The following RBPJ variants were observed in gnomAD, a reference collection of about 807,000 sequenced individuals.
RBPJ encodes recombining binding protein suppressor of hairless.
In RBPJ, 9 loss-of-function variants were observed where a neutral mutation model predicts 67.8. That is an observed-to-expected ratio of 0.13 (90% CI 0.08 to 0.23). RBPJ has a LOEUF of 0.23. Among genes scored for constraint, RBPJ ranks in the 10% least tolerant of loss-of-function variants. The probability of loss-of-function intolerance (pLI) is 1.00; values close to 1 mark genes in which losing one functional copy is unlikely to be tolerated. For synonymous variants in RBPJ, 198 were observed against 203.3 expected, an observed-to-expected ratio of 0.97 and a Z score of 0.22; for missense variants, 305 against 595.6, an observed-to-expected ratio of 0.51 and a Z score of 5.08.
At chr4:26,259,089 A>G (rs1720445289) in intron 1 of RBPJ, among the ~76,000 whole-genome samples, 1 of 152,132 alleles carries the variant, frequency 6.6e-6, no homozygotes. Flanking sequence ...GGCGTGAGCC[A>G]CCATGCCCGG....
intron 1 of RBPJ, chr4:26,362,766 G>T (rs1728211059): frequency 1.0e-5 from 7 of 696,036 alleles, no homozygotes; most frequent in Non-Finnish European, 1.6e-5. Context: ...TTTGATTATA[G>T]ATGTGGTTAT....
the RBPJ span, among the ~76,000 whole-genome samples, chr4:26,105,931 T>C: frequency 6.6e-6 from 1 of 152,172 alleles, no homozygotes; most frequent in African/African-American, 2.4e-5. Context: ...AATGGTCCAG[T>C]GTCATGGAGT....
intron 3 of RBPJ, chr4:26,410,412 A>G (rs1401922513): frequency 6.5e-6 from 1 of 152,704 alleles, no homozygotes; most frequent in Non-Finnish European, 1.5e-5. Context: ...CTAGTACCCC[A>G]TTTATATTAG....
chr4:26,250,961 T>C (rs1030177253), intron 1 of RBPJ, among the ~76,000 whole-genome samples: 1 of 152,254 alleles, frequency 6.6e-6, no homozygotes, highest in African/African-American at 2.4e-5. Flanking sequence ...GACTATATGA[T>C]GTAAACGCAT....
Position 26,374,072 on chromosome 4 carries a change from C to G in RBPJ, c.21-12281C>G, listed in dbSNP as rs1272540185. 2.6e-5 allele frequency among the ~76,000 whole-genome samples: 4 copies of G among 151,994 alleles called. No homozygotes were observed. In the East Asian group the frequency reaches 7.7e-4, roughly 29 times the overall value. On this transcript the variant is annotated intron_variant, in intron 1 of 10. Transcript: ENST00000355476. ...TAGCTGGGCTTACAGGTGCCCGCCACCGGCTTACAGGCGCACACCACCATG... is the reference window on the plus strand; with the variant it reads ...TAGCTGGGCTTACAGGTGCCCGCCAGCGGCTTACAGGCGCACACCACCATG...
chr4:26,299,832 C>G (rs953674177), intron 1 of RBPJ, among the ~76,000 whole-genome samples: 1 of 151,790 alleles, frequency 6.6e-6, no homozygotes, highest in Admixed American at 6.6e-5. Flanking sequence ...ATGCCTGCCA[C>G]CACGCCTGAC....
At chr4:26,365,068 T>C (rs1044148070) in intron 1 of RBPJ, among the ~76,000 whole-genome samples, 2 of 150,820 alleles carry the variant, frequency 1.3e-5, no homozygotes, top group African/African-American at 4.9e-5. Flanking sequence ...AAAATAAGCA[T>C]ATTGTTATAT....
chr4:26,234,945 G>A (rs371870100), intron 1 of RBPJ, among the ~76,000 whole-genome samples: 4 of 152,188 alleles, frequency 2.6e-5, no homozygotes, highest in South Asian at 2.1e-4. Context: ...GCCCACCTCG[G>A]CCTCCCAAAA....
intron 1 of RBPJ, among the ~76,000 whole-genome samples, chr4:26,225,690 G>A (rs1490231429): frequency 6.6e-6 from 1 of 152,042 alleles, no homozygotes; most frequent in African/African-American, 2.4e-5. Flanking sequence ...GGGGAAACTT[G>A]TAGGGTGGGG....
the RBPJ span, among the ~76,000 whole-genome samples, chr4:26,140,174 A>T: frequency 6.6e-6 from 1 of 152,212 alleles, no homozygotes; most frequent in Non-Finnish European, 1.5e-5. Context: ...GCATTTGCTA[A>T]TACTGTTACC....
At position 26,390,668 on chromosome 4, in the gene RBPJ, CA is replaced by C. The variant is rs1276243623; in HGVS notation, c.59+4281del. ...AAAATATATATCAGGAAAAGTCTGA[CA>C]AAAGGTGCAAAAACTCTACACTGAA... On this transcript the variant is annotated intron_variant, in intron 2 of 10. Coordinates refer to ENST00000355476, the MANE Select transcript of RBPJ (RefSeq NM_015874.6). Among the ~76,000 whole-genome samples, 6 of 152,144 alleles carry C rather than the reference CA, an allele frequency of 3.9e-5. No individual in the cohort carries two copies. In the East Asian group the frequency reaches 1.2e-3, roughly 29 times the overall value.
At chr4:26,169,122 G>A (rs992245135) in intron 1 of RBPJ, among the ~76,000 whole-genome samples, 27 of 152,176 alleles carry the variant, frequency 1.8e-4, no homozygotes, top group African/African-American at 4.3e-4. Context: ...GAGGAACTGC[G>A]TTCCTTTGGA....
chr4:26,201,981 C>T (rs1426319207), intron 1 of RBPJ, among the ~76,000 whole-genome samples: 1 of 152,220 alleles, frequency 6.6e-6, no homozygotes. Flanking sequence ...CCATCAGCAG[C>T]ACCGAACATG....
Position 26,430,958 on chromosome 4 carries a change from G to C in RBPJ, c.1415G>C (p.Ser472Thr). 1.2e-6 allele frequency: 2 copies of C among 1,613,922 alleles called. No homozygotes were observed. Among genetic ancestry groups the C allele is most frequent in the Non-Finnish European group, 1.7e-6 (2 of 1,179,986 alleles). Reference protein sequence around the residue: ...TNSEGSYTNASTNSTSVTSST... With the variant: ...TNSEGSYTNATTNSTSVTSST... ...AGCGAGGGAAGTTACACAAACGCCA[G>C]CACAAATTCAACCAGTGTCACATCA... Residue 472 changes from serine (S) to threonine (T), a missense_variant, in exon 11 of 11, where the codon AGC becomes ACC. Physicochemically the swap from Ser to Thr is moderately conservative, Grantham distance 58. Around this residue, in one of 7 missense-constraint regions of RBPJ, gnomAD observed 51 missense variants for 52.8 expected, o/e 0.97. Transcript: ENST00000355476. The surrounding 1 kb of genome is among the most constrained non-coding windows in gnomAD (Gnocchi z 4.1).
intron 1 of RBPJ, among the ~76,000 whole-genome samples, chr4:26,244,237 CTA>C (rs1362354420): frequency 6.3e-4 from 5 of 7,976 alleles, no homozygotes; most frequent in South Asian, 8.6e-3. Context: ...ATATATGTGT[CTA>C]TATATGTGTA....
chr4:26,178,156 T>C (rs540885587), intron 1 of RBPJ, among the ~76,000 whole-genome samples: 3 of 152,342 alleles, frequency 2.0e-5, no homozygotes, highest in Non-Finnish European at 4.4e-5. Flanking sequence ...GTCTAGAAAC[T>C]AATATAAAGT....
chr4:26,256,174 A>T (rs1246158695), intron 1 of RBPJ, among the ~76,000 whole-genome samples: 1 of 152,028 alleles, frequency 6.6e-6, no homozygotes, highest in Non-Finnish European at 1.5e-5. Flanking sequence ...CACATGTTAT[A>T]GTGTTTATTT....
chr4:26,300,461 ATGT>A (rs1190695529), intron 1 of RBPJ, among the ~76,000 whole-genome samples: 2 of 152,184 alleles, frequency 1.3e-5, no homozygotes, highest in Non-Finnish European at 2.9e-5. Flanking sequence ...AAAATTGTAA[ATGT>A]TGTTGTATTG....
intron 1 of RBPJ, among the ~76,000 whole-genome samples, chr4:26,226,122 C>A (rs1211366445): frequency 6.8e-6 from 1 of 147,774 alleles, no homozygotes; most frequent in Non-Finnish European, 1.5e-5. Flanking sequence ...GCACTCCAGC[C>A]TGGGTGACAG....
Sources: gnomAD v4.1 joint callset for allele counts (sites outside exome capture counted in the v4.1 genomes callset) on GRCh38, gnomAD v4.1.1 for gene constraint, gnomAD v4.1.1 regional missense constraint, Gnocchi (gnomAD v3.1) non-coding constraint, MANE v1.5 for transcripts, NCBI Gene and HGNC (gene_info 2026-07-23, HGNC 2026-07-21) for gene names.